CNTN6: variants seen among roughly 807,000 people sequenced by gnomAD.
CNTN6 encodes the protein contactin 6, also known as contactin-6.
A neutral mutation model predicts 122.8 loss-of-function variants in CNTN6; 137 were observed. That is an observed-to-expected ratio of 1.12 (90% CI 0.97 to 1.29). The LOEUF (loss-of-function observed/expected upper bound fraction) is 1.29, where lower values mean the gene tolerates loss of function less well. Ranked by LOEUF, CNTN6 falls within the 50% of genes most tolerant of loss-of-function variation. The pLI, the probability that CNTN6 is intolerant of heterozygous loss-of-function variation, is 0.00. For missense variants in CNTN6, 1,634 were observed against 1,223.4 expected, an observed-to-expected ratio of 1.34 and a Z score of -5.01; for synonymous variants, 570 against 426.0, an observed-to-expected ratio of 1.34 and a Z score of -4.16.
intron 1 of CNTN6, among the ~76,000 whole-genome samples, chr3:1,113,925 C>A (rs2091597840): frequency 6.6e-6 from 1 of 152,172 alleles, no homozygotes; most frequent in Non-Finnish European, 1.5e-5. Flanking sequence ...AGTATGGGCA[C>A]AGAGCAAGGA....
At chr3:1,132,899 A>C (rs1346929173) in intron 1 of CNTN6, among the ~76,000 whole-genome samples, 2 of 152,110 alleles carry the variant, frequency 1.3e-5, no homozygotes, top group Non-Finnish European at 2.9e-5. Context: ...AATTCTATCA[A>C]GATAACAAGA....
rs552423997 is a variant in CNTN6 at position 1,387,020 on chromosome 3, G to C, written c.2704+1223G>C. On this transcript the variant is annotated intron_variant, in intron 20 of 22. Coordinates refer to ENST00000446702, the MANE Select transcript of CNTN6 (RefSeq NM_001289080.2). ...TTCCACACAACCAGATCAACTGTCAGATATTCATGTTCCAATTCTGGGTAC... is the reference window on the plus strand; with the variant it reads ...TTCCACACAACCAGATCAACTGTCACATATTCATGTTCCAATTCTGGGTAC... Among the ~76,000 whole-genome samples, 11 of 152,338 alleles carry C rather than the reference G, an allele frequency of 7.2e-5. No homozygotes were observed. In the South Asian group the frequency reaches 2.3e-3, roughly 32 times the overall value.
intron 2 of CNTN6, among the ~76,000 whole-genome samples, chr3:1,172,620 C>CTCTCTGTGTGTGTGTG (rs762907787): frequency 1.3e-5 from 2 of 150,180 alleles, no homozygotes; most frequent in African/African-American, 4.9e-5. Context: ...CAATAACTCT[C>CTCTCTGTGTGTGTGTG]TGTGTGTGTG....
At chr3:1,200,628 A>T (rs2093849658) in intron 2 of CNTN6, among the ~76,000 whole-genome samples, 1 of 152,178 alleles carries the variant, frequency 6.6e-6, no homozygotes, top group Non-Finnish European at 1.5e-5. Context: ...CCATAAATGC[A>T]AGCATGACAT....
chr3:1,306,296 CT>C (rs976618750), intron 7 of CNTN6, among the ~76,000 whole-genome samples: 25 of 152,012 alleles, frequency 1.6e-4, no homozygotes, highest in East Asian at 9.7e-4. Context: ...TTATCAATAA[CT>C]TTTTTTTAAC....
Position 1,245,295 on chromosome 3 carries a change from CATATATATAT to C in CNTN6, c.358+17334_358+17343del, listed in dbSNP as rs71056326. On this transcript the variant is annotated intron_variant, in intron 4 of 22. Transcript: ENST00000446702. ...TATATACACACACATATATATATAACATATATATATATATATATATATATATATATATATA... is the reference window on the plus strand; with the variant it reads ...TATATACACACACATATATATATAACATATATATATATATATATATATATA... Among the ~76,000 whole-genome samples the C allele has an allele frequency of 6.6e-3, 25 of 3,806 alleles. 3 individuals carry two copies. The highest frequency in any genetic ancestry group is 0.022 in the African/African-American group (22 of 1,020). The allele number at this position is 3,806 out of a possible 152,430, so 2.5% of individuals were successfully genotyped here.
chr3:1,187,461 G>C (rs903214388), intron 2 of CNTN6, among the ~76,000 whole-genome samples: 2 of 152,040 alleles, frequency 1.3e-5, no homozygotes, highest in African/African-American at 4.8e-5. Flanking sequence ...TAGGCCCATG[G>C]TGTCAGGCTA....
intron 4 of CNTN6, among the ~76,000 whole-genome samples, chr3:1,273,876 G>T (rs1691831292): frequency 6.6e-6 from 1 of 152,170 alleles, no homozygotes; most frequent in African/African-American, 2.4e-5. Context: ...GTTCTTATCA[G>T]CAGTGTCTTA....
chr3:1,286,606 A>G (rs1415072043), intron 5 of CNTN6, among the ~76,000 whole-genome samples: 1 of 152,182 alleles, frequency 6.6e-6, no homozygotes, highest in African/African-American at 2.4e-5. Context: ...TCTATCATTG[A>G]TAGATAGATA....
chr3:1,259,268 G>A (rs781405261), intron 4 of CNTN6, among the ~76,000 whole-genome samples: 30 of 152,188 alleles, frequency 2.0e-4, no homozygotes, highest in Middle Eastern at 6.8e-3. Flanking sequence ...GACAGAACAA[G>A]TAATTTACTA....
chr3:1,174,765 G>A (rs946450967), intron 2 of CNTN6, among the ~76,000 whole-genome samples: 47 of 152,120 alleles, frequency 3.1e-4, no homozygotes, highest in Admixed American at 3.1e-3. Context: ...GAATAATAAT[G>A]CTAAATTGAT....
chr3:1,293,877 A>C (rs1156793462), intron 5 of CNTN6, among the ~76,000 whole-genome samples: 2 of 152,194 alleles, frequency 1.3e-5, no homozygotes, highest in African/African-American at 4.8e-5. Flanking sequence ...TTCAGGAAGA[A>C]TTATATTCAC....
At chr3:1,304,821 C>G (rs1031598031) in intron 7 of CNTN6, among the ~76,000 whole-genome samples, 1 of 151,558 alleles carries the variant, frequency 6.6e-6, no homozygotes, top group Non-Finnish European at 1.5e-5. Context: ...GTGAAACCCC[C>G]TTATCTACAA....
chr3:1,234,050 C>T (rs578019599), intron 4 of CNTN6, among the ~76,000 whole-genome samples: 14 of 152,088 alleles, frequency 9.2e-5, no homozygotes, highest in Non-Finnish European at 1.8e-4. Context: ...CCTGCCATGC[C>T]ATTCATCTTT....
chr3:1,220,950 T>C (rs1020790733), intron 3 of CNTN6, 137 bp downstream of exon 3: 86 of 903,694 alleles, frequency 9.5e-5, no homozygotes, highest in Non-Finnish European at 1.3e-4. Context: ...TATGCAGCCA[T>C]GTGACAATCA....
chr3:1,338,721 G>A (rs979213219), intron 11 of CNTN6, among the ~76,000 whole-genome samples: 5 of 152,050 alleles, frequency 3.3e-5, no homozygotes, highest in Non-Finnish European at 5.9e-5. Context: ...ATATTCAACA[G>A]CAATAATTTT....
chr3:1,341,374 CTT>C (rs1242547615), intron 11 of CNTN6, among the ~76,000 whole-genome samples: 6 of 152,092 alleles, frequency 3.9e-5, no homozygotes, highest in Non-Finnish European at 8.8e-5. Context: ...AATGGAGACA[CTT>C]TATCTTTCCC....
intron 11 of CNTN6, among the ~76,000 whole-genome samples, chr3:1,332,526 G>GAAGGGGCGAGCAAGGAAT (rs1702453625): frequency 6.7e-6 from 1 of 149,586 alleles, no homozygotes; most frequent in African/African-American, 2.5e-5. Flanking sequence ...AAGGAAGGAA[G>GAAGGGGCGAGCAAGGAAT]GAAGGAGGGA....
chr3:1,268,598 C>T (rs1343620919), intron 4 of CNTN6, among the ~76,000 whole-genome samples: 4 of 113,776 alleles, frequency 3.5e-5, no homozygotes, highest in Non-Finnish European at 6.7e-5. Context: ...CAGAGCGAGA[C>T]TCCGTCTCAA....
Sources: gnomAD v4.1 joint callset for allele counts (sites outside exome capture counted in the v4.1 genomes callset) on GRCh38, gnomAD v4.1.1 for gene constraint, MANE v1.5 for transcripts, NCBI Gene and HGNC (gene_info 2026-07-23, HGNC 2026-07-21) for gene names.